Variants in XKR9 observed in about 807,000 individuals in gnomAD.
XKR9 encodes the protein XK related 9.
A neutral mutation model predicts 32.0 loss-of-function variants in XKR9; 32 were observed. That is an observed-to-expected ratio of 1.00 (90% CI 0.76 to 1.34). The LOEUF is 1.34. Among genes scored for constraint, XKR9 ranks in the 40% most tolerant of loss-of-function variants. The pLI, the probability that XKR9 is intolerant of heterozygous loss-of-function variation, is 0.00. For missense variants in XKR9, 546 were observed against 429.7 expected, an observed-to-expected ratio of 1.27 and a Z score of -2.39; for synonymous variants, 168 against 143.4, an observed-to-expected ratio of 1.17 and a Z score of -1.22.
the XKR9 span, among the ~76,000 whole-genome samples, chr8:70,967,271 G>A: frequency 1.3e-5 from 2 of 151,924 alleles, no homozygotes; most frequent in East Asian, 1.9e-4. Context: ...GGGTTTCACC[G>A]TGTTAGCCAG....
At chr8:70,910,004 G>A in the XKR9 span, among the ~76,000 whole-genome samples, 1 of 151,772 alleles carries the variant, frequency 6.6e-6, no homozygotes, top group South Asian at 2.1e-4. Context: ...CACCATGACC[G>A]GCCTGATTTA....
At chr8:70,914,473 T>C in the XKR9 span, among the ~76,000 whole-genome samples, 1 of 152,234 alleles carries the variant, frequency 6.6e-6, no homozygotes, top group Non-Finnish European at 1.5e-5. Flanking sequence ...CTTTCATTTT[T>C]ATTTACTTTT....
the XKR9 span, among the ~76,000 whole-genome samples, chr8:70,862,895 A>C: frequency 1.3e-5 from 2 of 152,072 alleles, no homozygotes; most frequent in African/African-American, 4.8e-5. Flanking sequence ...AAGGCTTCCT[A>C]GGAGGCAATG....
chr8:71,004,129 G>A, the XKR9 span, among the ~76,000 whole-genome samples: 5 of 152,190 alleles, frequency 3.3e-5, no homozygotes, highest in Non-Finnish European at 5.9e-5. Flanking sequence ...GGGTCATCCC[G>A]TGGAGGACCA....
chr8:70,804,671 A>T, the XKR9 span, among the ~76,000 whole-genome samples: 1 of 152,346 alleles, frequency 6.6e-6, no homozygotes, highest in South Asian at 2.1e-4. Context: ...AAATGGTTTT[A>T]TACTGAGTTT....
At chr8:71,035,277 T>C in the XKR9 span, among the ~76,000 whole-genome samples, 14,180 of 152,244 alleles carry the variant, frequency 0.093, 753 homozygotes, top group African/African-American at 0.14. Context: ...GAATGATGAC[T>C]TTTGAATAGA....
the XKR9 span, among the ~76,000 whole-genome samples, chr8:70,954,036 A>T: frequency 2.4e-4 from 36 of 151,894 alleles, no homozygotes; most frequent in East Asian, 7.0e-3. Flanking sequence ...TGTGGGGAAA[A>T]TTTTTTTTAA....
chr8:70,720,709 T>C (rs1806250469), intron 4 of XKR9, among the ~76,000 whole-genome samples: 1 of 152,198 alleles, frequency 6.6e-6, no homozygotes, highest in Non-Finnish European at 1.5e-5. Flanking sequence ...GCCAGTATTT[T>C]ATTGAGGATT....
chr8:70,853,299 TA>T, the XKR9 span, among the ~76,000 whole-genome samples: 43 of 150,614 alleles, frequency 2.9e-4, no homozygotes, highest in East Asian at 7.8e-4. Flanking sequence ...GGATAATGGG[TA>T]AAAAAAAATA....
chr8:71,052,893 C>G, the XKR9 span, among the ~76,000 whole-genome samples: 1 of 152,220 alleles, frequency 6.6e-6, no homozygotes, highest in African/African-American at 2.4e-5. Flanking sequence ...GAGCACCTGT[C>G]TGCCATGCAA....
At chr8:70,995,407 G>A in the XKR9 span, among the ~76,000 whole-genome samples, 7 of 152,116 alleles carry the variant, frequency 4.6e-5, no homozygotes, top group African/African-American at 1.7e-4. Flanking sequence ...TATGGCATAT[G>A]GCCCCACATA....
At chr8:70,721,281 T>G (rs1806272783) in intron 4 of XKR9, among the ~76,000 whole-genome samples, 1 of 152,102 alleles carries the variant, frequency 6.6e-6, no homozygotes, top group Non-Finnish European at 1.5e-5. Flanking sequence ...TTTTGAACGG[T>G]TTTTCGTTTC....
At chr8:71,031,418 C>T in the XKR9 span, among the ~76,000 whole-genome samples, 1 of 152,066 alleles carries the variant, frequency 6.6e-6, no homozygotes, top group Non-Finnish European at 1.5e-5. Context: ...CATTACTTTA[C>T]TGGGTTCAAA....
intron 2 of XKR9, among the ~76,000 whole-genome samples, chr8:70,776,245 C>G (rs1807518701): frequency 6.6e-6 from 1 of 152,094 alleles, no homozygotes. Flanking sequence ...CTTTAATTGA[C>G]AAGGGAGTTA....
chr8:70,766,910 T>A (rs1303094166), intron 2 of XKR9, among the ~76,000 whole-genome samples: 3 of 152,170 alleles, frequency 2.0e-5, no homozygotes, highest in Non-Finnish European at 2.9e-5. Flanking sequence ...TATTGATTTG[T>A]GTATGTTGAA....
downstream of XKR9, among the ~76,000 whole-genome samples, chr8:70,739,562 T>A (rs1017654279): frequency 2.6e-5 from 4 of 152,192 alleles, no homozygotes; most frequent in Admixed American, 6.5e-5. Flanking sequence ...CTTCCTAGCC[T>A]CGATGGTCTT....
intron 4 of XKR9, among the ~76,000 whole-genome samples, chr8:70,719,361 A>G (rs1272027535): frequency 6.6e-6 from 1 of 151,922 alleles, no homozygotes; most frequent in South Asian, 2.1e-4. Context: ...TTGGTGTTTT[A>G]GTCATGAAGA....
chr8:70,683,956 A>T (rs1240098483), intron 3 of XKR9, among the ~76,000 whole-genome samples: 1 of 152,060 alleles, frequency 6.6e-6, no homozygotes, highest in Non-Finnish European at 1.5e-5. Flanking sequence ...ATGAGTAGTT[A>T]TGTTCTCTCT....
chr8:71,024,313 G>A, the XKR9 span, among the ~76,000 whole-genome samples: 1 of 152,158 alleles, frequency 6.6e-6, no homozygotes, highest in African/African-American at 2.4e-5. Flanking sequence ...CTGATATGTT[G>A]TATCACCCTT....
Sources: gnomAD v4.1 joint callset for allele counts (sites outside exome capture counted in the v4.1 genomes callset) on GRCh38, gnomAD v4.1.1 for gene constraint, MANE v1.5 for transcripts, NCBI Gene and HGNC (gene_info 2026-07-23, HGNC 2026-07-21) for gene names.